Variants in IGSF9B observed in about 807,000 individuals in gnomAD.
IGSF9B encodes the protein immunoglobulin superfamily member 9B.
A neutral mutation model predicts 143.7 loss-of-function variants in IGSF9B; 48 were observed. The observed-to-expected ratio is 0.33, with a 90% CI of 0.26 to 0.42. The LOEUF is 0.42. Ranked by LOEUF, IGSF9B falls within the 20% of genes least tolerant of loss-of-function variation. The pLI, the probability that IGSF9B is intolerant of heterozygous loss-of-function variation, is 1.00. For missense variants in IGSF9B, 1,706 were observed against 1,980.0 expected (o/e 0.86, Z 2.63); for synonymous variants, 903 against 833.1 (o/e 1.08, Z -1.44).
rs564224789 is a variant in IGSF9B at position 133,927,343 on chromosome 11, C to T, written c.1632-252G>A. Among the ~76,000 whole-genome samples, 5 of 152,370 alleles carry T rather than the reference C, an allele frequency of 3.3e-5. No individual in the cohort carries two copies. In the South Asian group the frequency reaches 1.0e-3, roughly 32 times the overall value. Reference sequence around the variant, plus strand: ...AAGGGGCCTTTAGGTGCAAGTCGTGCTCAGGACACTGGTCAGATGGATTAC... The same window carrying T: ...AAGGGGCCTTTAGGTGCAAGTCGTGTTCAGGACACTGGTCAGATGGATTAC... On this transcript the variant is annotated intron_variant, in intron 12 of 19. Transcript: ENST00000533871.
intron 11 of IGSF9B, 110 bp downstream of exon 11, chr11:133,930,874 G>A (rs11223627): frequency 0.35 from 399,489 of 1,125,992 alleles, 74,630 homozygotes; most frequent in African/African-American, 0.44. Flanking sequence ...CTTAGGAAGG[G>A]AGCCCGCAGA....
intron 7 of IGSF9B, among the ~76,000 whole-genome samples, chr11:133,934,332 C>T (rs2121316434): frequency 6.6e-6 from 1 of 152,356 alleles, no homozygotes; most frequent in African/African-American, 2.4e-5. Flanking sequence ...AGCCTGCGTC[C>T]AGCACAGAGG....
chr11:133,918,197 C>T (rs1939429475), intron 18 of IGSF9B, among the ~76,000 whole-genome samples: 1 of 152,078 alleles, frequency 6.6e-6, no homozygotes, highest in Non-Finnish European at 1.5e-5. Context: ...GAAGCAATGG[C>T]CCGGCCGAAG....
rs1042758882 is a variant in IGSF9B at position 133,906,680 on chromosome 11, C to T, written c.*2389G>A. On this transcript the variant is annotated 3_prime_UTR_variant, in exon 20 of 20. Coordinates refer to ENST00000533871, the MANE Select transcript of IGSF9B (RefSeq NM_001277285.4). The stretch of plus-strand genomic sequence containing the variant: ...AAAGCCTTCTACCTCATCATCTCCT[C>T]TTCTTTTCTAACCTGAGGGCTGGAA... Among the ~76,000 whole-genome samples, 18 of 152,188 alleles carry T rather than the reference C, an allele frequency of 1.2e-4. No individual in the cohort carries two copies. Among genetic ancestry groups the T allele is most frequent in the Non-Finnish European group, 2.2e-4 (15 of 68,032 alleles).
At chr11:133,937,322 C>A (rs1939842903) in intron 5 of IGSF9B, 54 bp downstream of exon 5, 1 of 1,362,450 alleles carries the variant, frequency 7.3e-7, no homozygotes, top group Non-Finnish European at 1.0e-6. Flanking sequence ...CTCAGCCGGG[C>A]TGGACATCCC....
rs532567638 is a variant in IGSF9B at position 133,905,858 on chromosome 11, T to A, written c.*3211A>T. Among the ~76,000 whole-genome samples, 1 of 152,284 alleles carries A rather than the reference T, an allele frequency of 6.6e-6. No homozygotes were observed. Among genetic ancestry groups the A allele is most frequent in the African/African-American group, 2.4e-5 (1 of 41,548 alleles). The stretch of plus-strand genomic sequence containing the variant: ...GAGCCCACGGCAGCCCACCAGCAAA[T>A]CAAGACAGGCTTCGCCTCTCTGCCT... On this transcript the variant is annotated 3_prime_UTR_variant, in exon 20 of 20. Coordinates refer to ENST00000533871, the MANE Select transcript of IGSF9B (RefSeq NM_001277285.4). The surrounding 1 kb of genome is among the most constrained non-coding windows in gnomAD (Gnocchi z 4.0).
rs1406876198 is a variant in IGSF9B, at chr11:133,902,398, C to T, written c.*6671G>A. 7.5e-6 allele frequency among the ~76,000 whole-genome samples: 1 copy of T among 132,736 alleles called. No individual in the cohort carries two copies. The highest frequency in any genetic ancestry group is 1.6e-5 in the Non-Finnish European group (1 of 60,674). The allele number at this position is 132,736 out of a possible 152,430, so 87.1% of individuals were successfully genotyped here. On this transcript the variant is annotated 3_prime_UTR_variant, in exon 20 of 20. Coordinates refer to ENST00000533871, the MANE Select transcript of IGSF9B (RefSeq NM_001277285.4). ...CACACACAACACACCACACAATACG[C>T]ACAACACATACCACACACAATACAC... is the stretch of plus-strand genomic sequence containing the variant.
chr11:133,944,380 G>A lies in IGSF9B; in HGVS notation c.263-14C>T. ...GACTGGCCCGGCCTGGGGGAATAGA[G>A]CAGACAAAAGCCCCACAGGCCATCA... On this transcript the variant is annotated splice_polypyrimidine_tract_variant and intron_variant, in intron 2 of 19. Coordinates refer to ENST00000533871, the MANE Select transcript of IGSF9B (RefSeq NM_001277285.4). 6.2e-7 allele frequency: 1 copy of A among 1,612,220 alleles called. No individual in the cohort carries two copies. Among genetic ancestry groups the A allele is most frequent in the Non-Finnish European group, 8.5e-7 (1 of 1,179,684 alleles).
intron 1 of IGSF9B, among the ~76,000 whole-genome samples, chr11:133,947,197 A>G (rs779764177): frequency 9.2e-5 from 14 of 151,864 alleles, no homozygotes; most frequent in African/African-American, 3.1e-4. Context: ...AGAGCCACGC[A>G]CCCCAAGCGC....
chr11:133,947,147 C>T (rs1478428920), intron 1 of IGSF9B, among the ~76,000 whole-genome samples: 1 of 152,138 alleles, frequency 6.6e-6, no homozygotes, highest in Non-Finnish European at 1.5e-5. Flanking sequence ...ACCACCCCTG[C>T]CTCCACCCCA....
At chr11:133,939,863 A>C (rs1939894313) in intron 3 of IGSF9B, among the ~76,000 whole-genome samples, 1 of 146,158 alleles carries the variant, frequency 6.8e-6, no homozygotes, top group Non-Finnish European at 1.5e-5. Flanking sequence ...ACAAACACAC[A>C]CCTCGCACGT....
At position 133,931,799 on chromosome 11, in the gene IGSF9B, C is replaced by T; in HGVS notation, c.1111-4G>A. On this transcript the variant is annotated splice_polypyrimidine_tract_variant and splice_region_variant and intron_variant, in intron 8 of 19. Coordinates refer to ENST00000533871, the MANE Select transcript of IGSF9B (RefSeq NM_001277285.4). This position sits in a 1 kb window ranked among gnomAD's most constrained non-coding sequence, Gnocchi z 7.7. ...CCATCAGGGTCCAACCGAGGTTCTG[C>T]CAGACACAGACGATAGGGCAGGGAA... The T allele has an allele frequency of 1.2e-6, 2 of 1,611,270 alleles. No individual in the cohort carries two copies. The highest frequency in any genetic ancestry group is 8.5e-7 in the Non-Finnish European group (1 of 1,179,188).
Position 133,900,563 on chromosome 11 carries a change from G to C in IGSF9B, c.*8506C>G, listed in dbSNP as rs1391115012. ...TTCTGCCAATACATTGTTCAGTTTT[G>C]TAAGTCCCCGGCTGGAGGCCAGAAG... On this transcript the variant is annotated 3_prime_UTR_variant, in exon 20 of 20. Transcript: ENST00000533871. The C allele has an allele frequency of 6.6e-6, 1 of 152,606 alleles. No homozygotes were observed. The highest frequency in any genetic ancestry group is 1.5e-5 in the Non-Finnish European group (1 of 68,064). The allele number at this position is 152,606 out of a possible 1,614,324, so 9.5% of individuals were successfully genotyped here.
At position 133,936,034 on chromosome 11, in the gene IGSF9B, G is replaced by A; in HGVS notation, c.821+19C>T. 1 of 1,612,232 alleles carries A rather than the reference G, an allele frequency of 6.2e-7. No individual in the cohort carries two copies. Among genetic ancestry groups the A allele is most frequent in the Non-Finnish European group, 8.5e-7 (1 of 1,179,118 alleles). The stretch of plus-strand genomic sequence containing the variant: ...GCTGGGGTGGCAACCTCATTGAAAA[G>A]TCAGAGCAGGGTGCTCACTTCTGAA... On this transcript the variant is annotated intron_variant, in intron 6 of 19. Coordinates refer to ENST00000533871, the MANE Select transcript of IGSF9B (RefSeq NM_001277285.4).
intron 18 of IGSF9B, 127 bp downstream of exon 18, chr11:133,919,615 G>T: frequency 1.6e-6 from 1 of 638,122 alleles, no homozygotes; most frequent in South Asian, 5.0e-5. Flanking sequence ...CCTCTCCGAG[G>T]GACGCCGGTG....
Position 133,919,861 on chromosome 11 carries a change from G to GA in IGSF9B, c.3863_3864insT (p.Ala1290ArgfsTer52). ...TGTCCCCAGGCCCAGCAGGGGCGGGGCCGGGTGGAGGGGAAGGGTAGCCGG... is the reference window on the plus strand; with the variant it reads ...TGTCCCCAGGCCCAGCAGGGGCGGGGACCGGGTGGAGGGGAAGGGTAGCCGG... On this transcript the variant is annotated frameshift_variant, in exon 18 of 20. Coordinates refer to ENST00000533871, the MANE Select transcript of IGSF9B (RefSeq NM_001277285.4). LOFTEE classifies it high-confidence loss of function. 6.3e-7 allele frequency: 1 copy of GA among 1,588,286 alleles called. No individual in the cohort carries two copies. Among genetic ancestry groups the GA allele is most frequent in the Admixed American group, 1.8e-5 (1 of 55,836 alleles).
intron 12 of IGSF9B, among the ~76,000 whole-genome samples, chr11:133,927,703 C>G (rs567551376): frequency 6.6e-6 from 1 of 152,172 alleles, no homozygotes; most frequent in Non-Finnish European, 1.5e-5. Context: ...GAAGACGGGC[C>G]GAGGGTGTTC....
At position 133,929,833 on chromosome 11, in the gene IGSF9B, C is replaced by T. The variant is rs535971069; in HGVS notation, c.1520-51G>A. The T allele has an allele frequency of 1.2e-5, 15 of 1,277,932 alleles. No individual in the cohort carries two copies. In the Admixed American group the frequency reaches 2.6e-4, roughly 22 times the overall value. 79.2% of individuals were successfully genotyped at this position (1,277,932 alleles called of 1,614,324 possible). A position where few individuals can be genotyped will look rare whatever the true frequency, so the allele number is the denominator to read the frequency against. ...GACTGAAAAGAACTCAGCCACGTGG[C>T]TGGGTGCCCACCGTCTGGCTGTGGG... On this transcript the variant is annotated intron_variant, in intron 11 of 19. Coordinates refer to ENST00000533871, the MANE Select transcript of IGSF9B (RefSeq NM_001277285.4).
At position 133,902,340 on chromosome 11, in the gene IGSF9B, CCACA is replaced by C. The variant is rs887290538; in HGVS notation, c.*6725_*6728del. On this transcript the variant is annotated 3_prime_UTR_variant, in exon 20 of 20. Transcript: ENST00000533871. The stretch of plus-strand genomic sequence containing the variant: ...ACACACACACCATACCACACACACC[CCACA>C]CACATACACAACCACACAATAGACA... Among the ~76,000 whole-genome samples the C allele has an allele frequency of 2.0e-5, 3 of 147,366 alleles. No individual in the cohort carries two copies. The highest frequency in any genetic ancestry group is 4.5e-5 in the Non-Finnish European group (3 of 66,762).
Sources: allele counts gnomAD v4.1 joint callset (sites outside exome capture counted in the v4.1 genomes callset), GRCh38; gene constraint gnomAD v4.1.1; non-coding constraint Gnocchi (gnomAD v3.1); transcripts MANE v1.5; gene names NCBI Gene and HGNC (gene_info 2026-07-23, HGNC 2026-07-21).